The following MIER2 variants were observed in gnomAD, a reference collection of about 807,000 sequenced individuals.
The protein encoded by MIER2 is MIER family member 2.
A neutral mutation model predicts 67.6 loss-of-function variants in MIER2; 30 were observed. The ratio of observed to expected loss-of-function variants is 0.44; its 90% CI spans 0.33 to 0.60. MIER2 has a LOEUF of 0.60. Among genes scored for constraint, MIER2 ranks in the 20% least tolerant of loss-of-function variants. The probability of loss-of-function intolerance (pLI) is 0.02; values close to 1 mark genes in which losing one functional copy is unlikely to be tolerated. For synonymous variants in MIER2, 372 were observed against 312.6 expected (o/e 1.19, Z -2.00); for missense variants, 702 against 745.1 (o/e 0.94, Z 0.67).
intron 7 of MIER2, among the ~76,000 whole-genome samples, chr19:315,266 G>A (rs1971189465): frequency 6.6e-6 from 1 of 151,946 alleles, no homozygotes; most frequent in Non-Finnish European, 1.5e-5. Flanking sequence ...TCGGGAGGCT[G>A]AGGGAGGAGA....
Position 327,949 on chromosome 19 carries a change from C to T in MIER2, c.284G>A (p.Gly95Asp), listed in dbSNP as rs562846424. 8 of 1,612,932 alleles carry T rather than the reference C, an allele frequency of 5.0e-6. No homozygotes were observed. The African/African-American group carries it at 9.3e-5, about 19-fold the overall frequency. Residue 95 changes from glycine to aspartate, a missense_variant, in exon 4 of 14, where the codon GGC becomes GAC. Around this residue, in one of 3 missense-constraint regions of MIER2, gnomAD observed 320 missense variants for 292.6 expected, o/e 1.09. Transcript: ENST00000264819. ...MPFDELLALYGYEASDPISDR... is the reference protein window; with the variant it reads ...MPFDELLALYDYEASDPISDR... ...TGAAATGGGGTCTGACGCCTCGTAG[C>T]CATAGAGCGCAAGCAGCTCATCAAA...
Position 308,504 on chromosome 19 carries a change from GCT to G in MIER2, c.1198+71_1198+72del. 1 of 1,452,800 alleles carries G rather than the reference GCT, an allele frequency of 6.9e-7. No homozygotes were observed. Among genetic ancestry groups the G allele is most frequent in the Non-Finnish European group, 9.3e-7 (1 of 1,074,872 alleles). 90.0% of individuals were successfully genotyped at this position (1,452,800 alleles called of 1,614,324 possible). A position where few individuals can be genotyped will look rare whatever the true frequency, so the allele number is the denominator to read the frequency against. ...CAGCACAGGGCGCCAGGCAGGAGAGGCTCCACCGGGCCTCACTCACGGCTCCA... is the reference window on the plus strand; with the variant it reads ...CAGCACAGGGCGCCAGGCAGGAGAGGCCACCGGGCCTCACTCACGGCTCCA... On this transcript the variant is annotated intron_variant, in intron 12 of 13. Transcript: ENST00000264819. The surrounding 1 kb of genome is among the most constrained non-coding windows in gnomAD (Gnocchi z 9.1).
At chr19:320,377 C>T (rs1192898476) in intron 7 of MIER2, among the ~76,000 whole-genome samples, 1 of 147,712 alleles carries the variant, frequency 6.8e-6, no homozygotes, top group Non-Finnish European at 1.5e-5. Context: ...AAGACTTTGT[C>T]CAAAAAACTA....
chr19:310,296 C>G (rs1045922385), intron 10 of MIER2, among the ~76,000 whole-genome samples: 1 of 152,226 alleles, frequency 6.6e-6, no homozygotes, highest in Non-Finnish European at 1.5e-5. Context: ...CTCACCGCTG[C>G]GAGAACAACG....
chr19:344,491 C>G (rs1193838139), intron 1 of MIER2: 10 of 531,258 alleles, frequency 1.9e-5, no homozygotes, highest in Non-Finnish European at 2.4e-5. Flanking sequence ...CCGCGTCCCT[C>G]CCCTCCCCCA....
In MIER2 at chr19:308,955, T is replaced by C; in HGVS notation, c.985-30A>G. ...GGGGAGGGGTCAGGAGCCATCTCTG[T>C]CCCCGGCTGCCCAGCCCCAGCACCT... is the stretch of plus-strand genomic sequence containing the variant. On this transcript the variant is annotated intron_variant, in intron 10 of 13. Coordinates refer to ENST00000264819, the MANE Select transcript of MIER2 (RefSeq NM_017550.3). The surrounding 1 kb of genome is among the most constrained non-coding windows in gnomAD (Gnocchi z 9.1). The C allele has an allele frequency of 6.3e-7, 1 of 1,583,914 alleles. No homozygotes were observed. The highest frequency in any genetic ancestry group is 8.6e-7 in the Non-Finnish European group (1 of 1,158,670).
intron 3 of MIER2, among the ~76,000 whole-genome samples, chr19:332,029 C>A (rs554211678): frequency 2.4e-4 from 36 of 152,272 alleles, no homozygotes; most frequent in Admixed American, 1.2e-3. Context: ...CTTCTACATT[C>A]AAAGAGATAT....
intron 7 of MIER2, among the ~76,000 whole-genome samples, chr19:321,435 G>A (rs935294238): frequency 2.6e-5 from 4 of 152,098 alleles, no homozygotes; most frequent in African/African-American, 4.8e-5. Flanking sequence ...ACCTGAGGTT[G>A]GGAGTTCGAG....
intron 1 of MIER2, 44 bp from the exon 2 acceptor site, chr19:336,217 C>T (rs1166281814): frequency 2.6e-6 from 4 of 1,527,090 alleles, no homozygotes; most frequent in East Asian, 4.6e-5. Context: ...GGCCCAAAAC[C>T]TGCTGCTGGA....
At chr19:324,281 C>A (rs1971632198) in intron 7 of MIER2, among the ~76,000 whole-genome samples, 1 of 138,016 alleles carries the variant, frequency 7.2e-6, no homozygotes, top group African/African-American at 2.9e-5. Context: ...ACACAGGTGT[C>A]ATCACAATGC....
At chr19:316,195 G>C (rs1425318833) in intron 7 of MIER2, among the ~76,000 whole-genome samples, 1 of 152,154 alleles carries the variant, frequency 6.6e-6, no homozygotes, top group Non-Finnish European at 1.5e-5. Context: ...TCCGGCTGAA[G>C]GAAATGATTC....
At chr19:342,031 T>C (rs1972529719) in intron 1 of MIER2, among the ~76,000 whole-genome samples, 1 of 152,084 alleles carries the variant, frequency 6.6e-6, no homozygotes, top group African/African-American at 2.4e-5. Flanking sequence ...TTCGCCAAGA[T>C]GGCTGCACCT....
In MIER2 at chr19:312,185, G is replaced by A. The variant is rs1218928504; in HGVS notation, c.889+6C>T. ...CAGCGGAAGGAAGGCCCAGACCGCT[G>A]CTCACCTCGGATCACCTTCACGTTG... On this transcript the variant is annotated splice_donor_region_variant and intron_variant, in intron 9 of 13. Coordinates refer to ENST00000264819, the MANE Select transcript of MIER2 (RefSeq NM_017550.3). 1 of 1,613,390 alleles carries A rather than the reference G, an allele frequency of 6.2e-7. No individual in the cohort carries two copies. The highest frequency in any genetic ancestry group is 8.5e-7 in the Non-Finnish European group (1 of 1,179,710).
chr19:330,897 T>C (rs1374320332), intron 3 of MIER2, among the ~76,000 whole-genome samples: 1 of 152,114 alleles, frequency 6.6e-6, no homozygotes, highest in Non-Finnish European at 1.5e-5. Context: ...CCACAACTAC[T>C]CTCTACAAAA....
chr19:326,781 C>A, intron 5 of MIER2, 183 bp from the exon 6 acceptor site: 1 of 605,674 alleles, frequency 1.7e-6, no homozygotes. Flanking sequence ...AAGAAAGAGG[C>A]CTTCCCTTCT....
rs1600100446 is a variant in MIER2 at position 306,230 on chromosome 19, T to C, written c.*460A>G. 2 of 172,350 alleles carry C rather than the reference T, an allele frequency of 1.2e-5. No individual in the cohort carries two copies. The highest frequency in any genetic ancestry group is 4.8e-5 in the African/African-American group (2 of 41,334). 10.7% of individuals were successfully genotyped at this position (172,350 alleles called of 1,614,324 possible). ...TGGGGCAGCCCGCGGCCCTGCCGGG[T>C]GTGGAGAGACAGAGCCAAGCAGGGA... On this transcript the variant is annotated 3_prime_UTR_variant, in exon 14 of 14. Coordinates refer to ENST00000264819, the MANE Select transcript of MIER2 (RefSeq NM_017550.3).
chr19:344,752 C>T (rs1972671718), intron 1 of MIER2, 22 bp downstream of exon 1: 1 of 1,173,812 alleles, frequency 8.5e-7, no homozygotes, highest in South Asian at 4.2e-5. Context: ...GGGGGGCCGG[C>T]TCCCCCGGCC....
chr19:306,451 C>A lies in MIER2; in HGVS notation c.*239G>T, dbSNP rs1970652545. The A allele has an allele frequency of 3.3e-6, 2 of 614,480 alleles. No homozygotes were observed. The highest frequency in any genetic ancestry group is 3.7e-5 in the African/African-American group (2 of 53,920). The allele number at this position is 614,480 out of a possible 1,614,324, so 38.1% of individuals were successfully genotyped here. ...TCCCACGTGCAGGCAGCGGCCCGGA[C>A]CCGGGTGGCAGTGCCGGGCGCTGAC... On this transcript the variant is annotated 3_prime_UTR_variant, in exon 14 of 14. Coordinates refer to ENST00000264819, the MANE Select transcript of MIER2 (RefSeq NM_017550.3).
chr19:336,193 G>A lies in MIER2; in HGVS notation c.10-20C>T, dbSNP rs1273777088. On this transcript the variant is annotated intron_variant, in intron 1 of 13. Transcript: ENST00000264819. Reference sequence around the variant, plus strand: ...GGAGGCCTGCGAAGGAAGAGAGGCAGGGTTAGCTCGGCCGGCCCAAAACCT... The same window carrying A: ...GGAGGCCTGCGAAGGAAGAGAGGCAAGGTTAGCTCGGCCGGCCCAAAACCT... The A allele has an allele frequency of 6.2e-7, 1 of 1,605,304 alleles. No homozygotes were observed. The highest frequency in any genetic ancestry group is 1.3e-5 in the African/African-American group (1 of 74,806).
Sources: gnomAD v4.1 joint callset for allele counts (sites outside exome capture counted in the v4.1 genomes callset) on GRCh38, gnomAD v4.1.1 for gene constraint, gnomAD v4.1.1 regional missense constraint, Gnocchi (gnomAD v3.1) non-coding constraint, MANE v1.5 for transcripts, NCBI Gene and HGNC (gene_info 2026-07-23, HGNC 2026-07-21) for gene names.